The following LRP1B variants were observed in gnomAD, a reference collection of about 807,000 sequenced individuals.
LRP1B encodes low-density lipoprotein receptor-related protein 1B.
Under a neutral mutation model 556.6 loss-of-function variants are expected in LRP1B, and 217 were observed. The observed-to-expected ratio is 0.39, with a 90% confidence interval of 0.35 to 0.44. The LOEUF is 0.44. Ranked by LOEUF, LRP1B falls within the 20% of genes least tolerant of loss-of-function variation. The probability of loss-of-function intolerance (pLI) is 1.00; values close to 1 mark genes in which losing one functional copy is unlikely to be tolerated. For synonymous variants in LRP1B, 2,047 were observed against 1,865.8 expected (o/e 1.10, Z -2.50); for missense variants, 5,053 against 5,620.8 (o/e 0.90, Z 3.23).
chr2:140,997,098 C>T (rs900901102), intron 15 of LRP1B, among the ~76,000 whole-genome samples: 7 of 151,802 alleles, frequency 4.6e-5, no homozygotes, highest in Non-Finnish European at 8.8e-5. Flanking sequence ...TATGATCTCA[C>T]CAATAAAAAA....
chr2:140,394,304 G>A (rs1573885824), intron 66 of LRP1B, among the ~76,000 whole-genome samples: 1 of 152,184 alleles, frequency 6.6e-6, no homozygotes, highest in East Asian at 1.9e-4. Flanking sequence ...GACCTAGGGT[G>A]GCGTACTGTC....
chr2:140,466,795 G>A (rs979110498), intron 60 of LRP1B, among the ~76,000 whole-genome samples: 7 of 152,052 alleles, frequency 4.6e-5, no homozygotes, highest in East Asian at 1.9e-4. Context: ...AAGGTCAAAC[G>A]TAACTTTTTC....
intron 43 of LRP1B, among the ~76,000 whole-genome samples, chr2:140,579,078 A>G (rs1681654631): frequency 1.3e-5 from 2 of 152,170 alleles, no homozygotes; most frequent in African/African-American, 4.8e-5. Context: ...AAAAGAGGAA[A>G]GGGAGCAAAG....
intron 41 of LRP1B, among the ~76,000 whole-genome samples, chr2:140,657,965 A>G (rs1438130053): frequency 6.6e-6 from 1 of 152,084 alleles, no homozygotes; most frequent in Non-Finnish European, 1.5e-5. Context: ...CCATGGGCCC[A>G]AGGATTAACA....
chr2:140,376,775 G>A (rs1436843826), intron 68 of LRP1B, among the ~76,000 whole-genome samples: 9 of 152,154 alleles, frequency 5.9e-5, no homozygotes, highest in Non-Finnish European at 1.2e-4. Context: ...AATGGTCAGA[G>A]AAGGGAGAAT....
chr2:142,109,181 G>C (rs150945654), intron 1 of LRP1B, among the ~76,000 whole-genome samples: 1 of 152,166 alleles, frequency 6.6e-6, no homozygotes, highest in African/African-American at 2.4e-5. Context: ...TCAACTTAAA[G>C]AGACTAACAA....
At chr2:140,961,226 C>T (rs1217915941) in intron 18 of LRP1B, among the ~76,000 whole-genome samples, 1 of 151,976 alleles carries the variant, frequency 6.6e-6, no homozygotes, top group Non-Finnish European at 1.5e-5. Flanking sequence ...AATTAATAGG[C>T]TTGATCAATA....
At chr2:141,745,972 T>C (rs542149279) in intron 2 of LRP1B, among the ~76,000 whole-genome samples, 5 of 152,042 alleles carry the variant, frequency 3.3e-5, no homozygotes, top group Non-Finnish European at 7.4e-5. Flanking sequence ...TTTCTAAAAA[T>C]GGTTTCTGGG....
chr2:140,852,374 T>G (rs1559156797), intron 27 of LRP1B, among the ~76,000 whole-genome samples: 1 of 152,136 alleles, frequency 6.6e-6, no homozygotes, highest in Non-Finnish European at 1.5e-5. Context: ...AAGGAGTTAG[T>G]TTGAGGAGCA....
intron 7 of LRP1B, among the ~76,000 whole-genome samples, chr2:141,164,967 T>G (rs1056212450): frequency 5.3e-5 from 8 of 152,014 alleles, no homozygotes; most frequent in African/African-American, 1.9e-4. Context: ...ATCATCTTAT[T>G]CCTCTCTCTA....
intron 1 of LRP1B, among the ~76,000 whole-genome samples, chr2:141,846,201 A>T (rs1697638974): frequency 6.6e-6 from 1 of 151,754 alleles, no homozygotes; most frequent in Non-Finnish European, 1.5e-5. Flanking sequence ...CAGAAAGGAA[A>T]ATAGGAAATT....
intron 3 of LRP1B, among the ~76,000 whole-genome samples, chr2:141,273,969 C>G (rs533359249): frequency 6.6e-6 from 1 of 152,182 alleles, no homozygotes. Flanking sequence ...GGATATTCAA[C>G]GTCTGTAATC....
At chr2:140,323,803 CATAGTTAAGATATTTAA>C in intron 81 of LRP1B, 73 bp downstream of exon 81, 1 of 639,408 alleles carries the variant, frequency 1.6e-6, no homozygotes, top group East Asian at 3.0e-5. Flanking sequence ...AAGACATTTA[CATAGTTAAGATATTTAA>C]AAATATATTA....
intron 43 of LRP1B, among the ~76,000 whole-genome samples, chr2:140,579,803 C>G (rs60455249): frequency 0.21 from 32,638 of 152,128 alleles, 3,697 homozygotes; most frequent in Admixed American, 0.29. Context: ...GATCGCGCCA[C>G]TGCACTCCAG....
At chr2:140,353,155 T>C (rs2105122707) in intron 75 of LRP1B, 83 bp from the exon 76 acceptor site, 1 of 1,402,132 alleles carries the variant, frequency 7.1e-7, no homozygotes, top group Middle Eastern at 1.8e-4. Context: ...AAGCCAAAAT[T>C]ATTTTTAACT....
At chr2:141,863,394 A>C (rs1698312465) in intron 1 of LRP1B, among the ~76,000 whole-genome samples, 1 of 152,206 alleles carries the variant, frequency 6.6e-6, no homozygotes, top group Non-Finnish European at 1.5e-5. Context: ...GCAAAAATAA[A>C]GTCTGGTCGG....
At chr2:140,592,794 G>A (rs1682280043) in intron 43 of LRP1B, among the ~76,000 whole-genome samples, 1 of 152,052 alleles carries the variant, frequency 6.6e-6, no homozygotes, top group African/African-American at 2.4e-5. Flanking sequence ...TAAAAAATTA[G>A]CCAAGTATGG....
chr2:141,131,407 T>TTATATATATATATATATAAATATATA (rs1701350504), intron 7 of LRP1B, among the ~76,000 whole-genome samples: 1 of 110,684 alleles, frequency 9.0e-6, no homozygotes. Context: ...ATGCATAAAG[T>TTATATATATATATATATAAATATATA]TATATATATA....
At chr2:140,292,429 C>T (rs1683425238) in intron 84 of LRP1B, among the ~76,000 whole-genome samples, 1 of 152,142 alleles carries the variant, frequency 6.6e-6, no homozygotes. Flanking sequence ...TTTCCCTTTG[C>T]ATATGCTGTT....
Sources: gnomAD v4.1 joint callset for allele counts (sites outside exome capture counted in the v4.1 genomes callset) on GRCh38, gnomAD v4.1.1 for gene constraint, MANE v1.5 for transcripts, NCBI Gene and HGNC (gene_info 2026-07-23, HGNC 2026-07-21) for gene names.